Variants in C19orf47 observed in about 807,000 individuals in gnomAD.
C19orf47 encodes uncharacterized protein C19orf47.
Under a neutral mutation model 32.3 loss-of-function variants are expected in C19orf47, and 18 were observed. The ratio of observed to expected loss-of-function variants is 0.56; its 90% CI spans 0.39 to 0.83. The LOEUF is 0.83. Among genes scored for constraint, C19orf47 ranks in the 40% least tolerant of loss-of-function variants. The probability of loss-of-function intolerance (pLI) is 0.00; values close to 1 mark genes in which losing one functional copy is unlikely to be tolerated. For synonymous variants in C19orf47, 202 were observed against 211.1 expected, an observed-to-expected ratio of 0.96 and a Z score of 0.37; for missense variants, 484 against 531.6, an observed-to-expected ratio of 0.91 and a Z score of 0.88.
At chr19:40,335,648 C>T (rs1387206703) in intron 4 of C19orf47, among the ~76,000 whole-genome samples, 2 of 150,220 alleles carry the variant, frequency 1.3e-5, no homozygotes, top group Non-Finnish European at 3.0e-5. Flanking sequence ...CTCGCTCTGT[C>T]GCCCAGGCTG....
At chr19:40,348,186 G>A (rs899745042) in intron 1 of C19orf47, 138 bp downstream of exon 1, 1 of 506,702 alleles carries the variant, frequency 2.0e-6, no homozygotes, top group Non-Finnish European at 3.1e-6. Flanking sequence ...CATTCCACAG[G>A]GGAGGAAACT....
chr19:40,341,934 G>A, intron 1 of C19orf47, 44 bp from the exon 2 acceptor site: 1 of 1,532,284 alleles, frequency 6.5e-7, no homozygotes, highest in Non-Finnish European at 8.7e-7. Context: ...GCTGCCGGCT[G>A]TGAGTGTTTG....
chr19:40,315,683 G>A (rs915819470), downstream of C19orf47, among the ~76,000 whole-genome samples: 5 of 152,074 alleles, frequency 3.3e-5, no homozygotes, highest in African/African-American at 1.2e-4. Context: ...AGGAGGCTGA[G>A]GCAGGAGAAT....
chr19:40,310,492 T>C, the C19orf47 span, among the ~76,000 whole-genome samples: 1 of 152,194 alleles, frequency 6.6e-6, no homozygotes, highest in Non-Finnish European at 1.5e-5. Context: ...TTGGCCAGGG[T>C]AGTCTCGAAC....
chr19:40,323,399 C>T (rs2077762002), intron 8 of C19orf47, among the ~76,000 whole-genome samples: 1 of 152,322 alleles, frequency 6.6e-6, no homozygotes, highest in African/African-American at 2.4e-5. Flanking sequence ...AGTCAGGCCC[C>T]TGTGGGCTTC....
chr19:40,348,470 T>C, upstream of C19orf47: 1 of 1,497,880 alleles, frequency 6.7e-7, no homozygotes, highest in Non-Finnish European at 8.8e-7. Flanking sequence ...CCGCGGCCGC[T>C]CTACCCCAAC....
At chr19:40,340,628 C>A (rs1381393467) in intron 2 of C19orf47, among the ~76,000 whole-genome samples, 2 of 151,364 alleles carry the variant, frequency 1.3e-5, no homozygotes, top group Non-Finnish European at 2.9e-5. Flanking sequence ...TTGCAGTGAG[C>A]GGAGATCATG....
intron 7 of C19orf47, among the ~76,000 whole-genome samples, chr19:40,325,675 T>C (rs914696589): frequency 6.6e-6 from 1 of 152,086 alleles, no homozygotes; most frequent in South Asian, 2.1e-4. Flanking sequence ...CCTATATATG[T>C]GTTATGTATG....
chr19:40,318,792 G>A (rs766617974), downstream of C19orf47, among the ~76,000 whole-genome samples: 2 of 151,990 alleles, frequency 1.3e-5, no homozygotes, highest in South Asian at 2.1e-4. Context: ...CCTGAAGTCC[G>A]GCCCTTCACA....
At chr19:40,314,166 G>A in the C19orf47 span, among the ~76,000 whole-genome samples, 2 of 152,152 alleles carry the variant, frequency 1.3e-5, no homozygotes, top group Non-Finnish European at 2.9e-5. Flanking sequence ...GGTGGTTCAC[G>A]CCTATAATCC....
chr19:40,345,452 A>G (rs2078253318), intron 1 of C19orf47, among the ~76,000 whole-genome samples: 1 of 150,598 alleles, frequency 6.6e-6, no homozygotes, highest in Non-Finnish European at 1.5e-5. Flanking sequence ...TAGTCCCAGC[A>G]CTTTGGGAGG....
downstream of C19orf47, among the ~76,000 whole-genome samples, chr19:40,315,573 G>A (rs1315828649): frequency 1.3e-5 from 2 of 152,028 alleles, no homozygotes; most frequent in African/African-American, 4.8e-5. Context: ...CTGAGGTCAG[G>A]AATTCGAGAC....
chr19:40,327,903 GC>G (rs2077867007), intron 6 of C19orf47, among the ~76,000 whole-genome samples: 1 of 152,212 alleles, frequency 6.6e-6, no homozygotes, highest in South Asian at 2.1e-4. Context: ...ATGATGCAGG[GC>G]CCTACAGACC....
chr19:40,306,570 T>C, the C19orf47 span, among the ~76,000 whole-genome samples: 2 of 150,644 alleles, frequency 1.3e-5, no homozygotes, highest in East Asian at 2.0e-4. Context: ...GCCCAGCTGA[T>C]TTTTGTATTT....
At chr19:40,308,503 AC>A in the C19orf47 span, among the ~76,000 whole-genome samples, 1 of 131,368 alleles carries the variant, frequency 7.6e-6, no homozygotes, top group Non-Finnish European at 1.6e-5. Context: ...TTGCTCTGTC[AC>A]CCAGGCTGCA....
Position 40,321,493 on chromosome 19 carries a change from A to G in C19orf47, c.*389T>C. On this transcript the variant is annotated 3_prime_UTR_variant, in exon 9 of 9. Transcript: ENST00000683109. ...AAGGGAGGCCCACCAGGTGACACCC[A>G]CTTAGTTGAGGGGGACAGGGAGGCT... 9.8e-7 allele frequency: 1 copy of G among 1,019,850 alleles called. No homozygotes were observed. The highest frequency in any genetic ancestry group is 1.7e-5 in the African/African-American group (1 of 58,274). 63.2% of individuals were successfully genotyped at this position (1,019,850 alleles called of 1,614,324 possible).
chr19:40,296,925 G>C, the C19orf47 span, among the ~76,000 whole-genome samples: 346 of 151,506 alleles, frequency 2.3e-3, no homozygotes, highest in African/African-American at 7.5e-3. Context: ...AAAAAAAAAA[G>C]ATAAAAGTGG....
the C19orf47 span, among the ~76,000 whole-genome samples, chr19:40,298,284 A>C: frequency 1.3e-5 from 2 of 151,226 alleles, no homozygotes; most frequent in African/African-American, 4.9e-5. Context: ...CTGGGCTATA[A>C]GAGTGAAACA....
At position 40,348,309 on chromosome 19, in the gene C19orf47, CGGCCCGCGCCTCACCTGGCCCACCG is replaced by C; in HGVS notation, c.-44_-34+14del. Reference sequence around the variant, plus strand: ...GCAACCGGCCCAGTCCCACCACCCCCGGCCCGCGCCTCACCTGGCCCACCGGGCCCGCGCCCACTCGCGCCGCCCG... The same window carrying C: ...GCAACCGGCCCAGTCCCACCACCCCCGGCCCGCGCCCACTCGCGCCGCCCG... On this transcript the variant is annotated splice_donor_variant and splice_donor_5th_base_variant and 5_prime_UTR_variant and intron_variant, in exon 1 of 9. Coordinates refer to ENST00000683109, the MANE Select transcript of C19orf47 (RefSeq NM_001256441.2). LOFTEE classifies it low-confidence loss of function (5UTR_SPLICE). 8 of 1,339,808 alleles carry C rather than the reference CGGCCCGCGCCTCACCTGGCCCACCG, an allele frequency of 6.0e-6. No homozygotes were observed. The highest frequency in any genetic ancestry group is 7.6e-6 in the Non-Finnish European group (8 of 1,048,820). 83.0% of individuals were successfully genotyped at this position (1,339,808 alleles called of 1,614,324 possible).
Sources: gnomAD v4.1 joint callset for allele counts (sites outside exome capture counted in the v4.1 genomes callset) on GRCh38, gnomAD v4.1.1 for gene constraint, MANE v1.5 for transcripts, NCBI Gene and HGNC (gene_info 2026-07-23, HGNC 2026-07-21) for gene names.